The following LRBA variants were observed in gnomAD, a reference collection of about 807,000 sequenced individuals.
LRBA encodes the protein LPS responsive beige-like anchor protein.
A neutral mutation model predicts 330.0 loss-of-function variants in LRBA; 176 were observed. The observed-to-expected ratio is 0.53, with a 90% CI of 0.47 to 0.60. LRBA has a LOEUF of 0.60. Ranked by LOEUF, LRBA falls within the 20% of genes least tolerant of loss-of-function variation. LRBA has a pLI of 0.00. For missense variants in LRBA, 3,259 were observed against 3,444.8 expected (o/e 0.95, Z 1.35); for synonymous variants, 1,230 against 1,193.0 (o/e 1.03, Z -0.64).
intron 40 of LRBA, among the ~76,000 whole-genome samples, chr4:150,525,785 ATATAAC>A (rs1478442701): frequency 6.6e-6 from 1 of 152,188 alleles, no homozygotes; most frequent in Non-Finnish European, 1.5e-5. Flanking sequence ...GAATGAAATT[ATATAAC>A]TATATTATGC....
At position 150,265,418 on chromosome 4, in the gene LRBA, A is replaced by G. The variant is rs1745179535; in HGVS notation, c.*304T>C. The G allele has an allele frequency of 4.4e-6, 1 of 228,722 alleles. No homozygotes were observed. The allele number at this position is 228,722 out of a possible 1,614,324, so 14.2% of individuals were successfully genotyped here. A position where few individuals can be genotyped will look rare whatever the true frequency, so the allele number is the denominator to read the frequency against. ...CATGGGAAATGTTCTTCATAATATT[A>G]TAGCTGGAATAAGTGGTTTACTTGC... On this transcript the variant is annotated 3_prime_UTR_variant, in exon 57 of 57. Coordinates refer to ENST00000651943, the MANE Select transcript of LRBA (RefSeq NM_001364905.1).
At chr4:150,809,911 ATACGATACG>A (rs1560850301) in intron 31 of LRBA, among the ~76,000 whole-genome samples, 1 of 140,756 alleles carries the variant, frequency 7.1e-6, no homozygotes, top group East Asian at 2.0e-4. Context: ...ATACGATACG[ATACGATACG>A]ATACGATACG....
intron 46 of LRBA, among the ~76,000 whole-genome samples, chr4:150,421,684 G>C (rs886524558): frequency 3.9e-5 from 6 of 152,010 alleles, no homozygotes; most frequent in Non-Finnish European, 7.4e-5. Context: ...CATATCAACA[G>C]CAATAGTCAC....
chr4:150,305,267 G>A (rs1431176533), intron 52 of LRBA, among the ~76,000 whole-genome samples: 2 of 152,190 alleles, frequency 1.3e-5, no homozygotes, highest in South Asian at 4.1e-4. Context: ...ATTAAATATA[G>A]GGGCAGAGTT....
chr4:150,450,762 G>C (rs1345512651), intron 44 of LRBA, among the ~76,000 whole-genome samples: 1 of 152,036 alleles, frequency 6.6e-6, no homozygotes, highest in Non-Finnish European at 1.5e-5. Context: ...TGGTGAGGTG[G>C]GGTGGCTTAC....
At chr4:150,825,495 T>C (rs568511368) in intron 30 of LRBA, among the ~76,000 whole-genome samples, 2 of 152,258 alleles carry the variant, frequency 1.3e-5, no homozygotes, top group South Asian at 2.1e-4. Flanking sequence ...GCCTCCCAAA[T>C]AGCTGGGATT....
At chr4:150,719,528 A>G (rs1370450886) in intron 36 of LRBA, among the ~76,000 whole-genome samples, 2 of 152,162 alleles carry the variant, frequency 1.3e-5, no homozygotes, top group African/African-American at 2.4e-5. Flanking sequence ...AAAAATAATG[A>G]AACAATGTAA....
intron 22 of LRBA, among the ~76,000 whole-genome samples, chr4:150,859,530 T>C (rs1184033747): frequency 6.6e-6 from 1 of 152,150 alleles, no homozygotes; most frequent in African/African-American, 2.4e-5. Context: ...TCACAAACGT[T>C]ACTAGGTGCA....
chr4:150,726,008 T>C (rs1000253054), intron 36 of LRBA, among the ~76,000 whole-genome samples: 7 of 151,914 alleles, frequency 4.6e-5, no homozygotes. Flanking sequence ...ACACAAAATA[T>C]AAAAAGCAAG....
At chr4:150,416,311 G>A (rs1747735706) in intron 46 of LRBA, among the ~76,000 whole-genome samples, 1 of 152,134 alleles carries the variant, frequency 6.6e-6, no homozygotes, top group Non-Finnish European at 1.5e-5. Flanking sequence ...TCTTGACATG[G>A]GTCAGTGGTT....
At chr4:150,869,828 G>T (rs983669507) in intron 20 of LRBA, among the ~76,000 whole-genome samples, 3 of 152,162 alleles carry the variant, frequency 2.0e-5, no homozygotes, top group Non-Finnish European at 4.4e-5. Context: ...GTTGAGGTGG[G>T]AAGATTGCTT....
rs145434636 is a variant in LRBA, at chr4:150,831,887, T to A, written c.4659A>T (p.Glu1553Asp). 4 of 1,603,640 alleles carry A rather than the reference T, an allele frequency of 2.5e-6. No homozygotes were observed. The highest frequency in any genetic ancestry group is 3.4e-6 in the Non-Finnish European group (4 of 1,174,322). The change falls in exon 29 of 57, where the codon GAA becomes GAT. Residue 1553 changes from glutamate (E) to aspartate (D), a missense_variant. By Grantham distance (45) the Glu-to-Asp change is conservative (BLOSUM62 2). Transcript: ENST00000651943. The stretch of plus-strand genomic sequence containing the variant: ...ACTGGCTATGCCTTTCATTTTGGGG[T>A]TCCAAAATGTCTCTGTACTTGGAGA... ...LMVSKYRDILEPQNERHSQSC... is the reference protein window; with the variant it reads ...LMVSKYRDILDPQNERHSQSC...
At chr4:150,446,066 AAGAT>A (rs1179181933) in intron 44 of LRBA, among the ~76,000 whole-genome samples, 2 of 152,174 alleles carry the variant, frequency 1.3e-5, no homozygotes, top group Non-Finnish European at 2.9e-5. Flanking sequence ...CAAGCACAGA[AAGAT>A]AAATATCACA....
intron 17 of LRBA, among the ~76,000 whole-genome samples, chr4:150,892,790 C>T (rs78397671): frequency 0.011 from 1,693 of 152,172 alleles, 15 homozygotes; most frequent in Middle Eastern, 0.02. Flanking sequence ...AATACAGTAG[C>T]TCTATAATAG....
At position 150,698,166 on chromosome 4, in the gene LRBA, C is replaced by A. The variant is rs948276349; in HGVS notation, c.5755-14449G>T. On this transcript the variant is annotated intron_variant, in intron 36 of 56. Coordinates refer to ENST00000651943, the MANE Select transcript of LRBA (RefSeq NM_001364905.1). ...ACAACAATAGCCAATATTCTAAGTG[C>A]ACATGAGAAAAGTCTAAATTATAAA... Among the ~76,000 whole-genome samples, 11 of 152,168 alleles carry A rather than the reference C, an allele frequency of 7.2e-5. No homozygotes were observed. The Middle Eastern group carries it at 0.017, about 235-fold the overall frequency.
At chr4:150,655,737 AACAAATAG>A (rs1780119454) in intron 37 of LRBA, among the ~76,000 whole-genome samples, 1 of 152,238 alleles carries the variant, frequency 6.6e-6, no homozygotes, top group African/African-American at 2.4e-5. Flanking sequence ...TCAGGACAGA[AACAAATAG>A]CAATGGAAAT....
intron 2 of LRBA, among the ~76,000 whole-genome samples, chr4:150,958,143 G>A (rs2149559523): frequency 6.7e-6 from 1 of 149,128 alleles, no homozygotes; most frequent in South Asian, 2.1e-4. Flanking sequence ...CTTCCACAGT[G>A]TCTTAGCAGA....
intron 2 of LRBA, among the ~76,000 whole-genome samples, chr4:151,008,167 G>A (rs1357791854): frequency 2.7e-5 from 4 of 150,040 alleles, no homozygotes; most frequent in Non-Finnish European, 5.9e-5. Flanking sequence ...TACAACCTCC[G>A]CCTCCCGGGT....
chr4:150,662,838 G>C (rs1194557977), intron 37 of LRBA, among the ~76,000 whole-genome samples: 1 of 151,962 alleles, frequency 6.6e-6, no homozygotes, highest in Non-Finnish European at 1.5e-5. Context: ...GGTGGTAGCA[G>C]TCTTAGTACT....
Sources: allele counts gnomAD v4.1 joint callset (sites outside exome capture counted in the v4.1 genomes callset), GRCh38; gene constraint gnomAD v4.1.1; transcripts MANE v1.5; gene names NCBI Gene and HGNC (gene_info 2026-07-23, HGNC 2026-07-21).